ATP10A: variants seen among roughly 807,000 people sequenced by gnomAD.
ATP10A encodes the protein phospholipid-transporting ATPase VA.
ATP10A carries 111 observed loss-of-function variants against 147.8 expected under a neutral mutation model. The ratio of observed to expected loss-of-function variants is 0.75; its 90% CI spans 0.64 to 0.88. The LOEUF (loss-of-function observed/expected upper bound fraction) is 0.88. Ranked by LOEUF, ATP10A falls within the 40% of genes least tolerant of loss-of-function variation. The pLI, the probability that ATP10A is intolerant of heterozygous loss-of-function variation, is 0.00. For synonymous variants in ATP10A, 875 were observed against 841.6 expected (o/e 1.04, Z -0.69); for missense variants, 1,927 against 1,959.0 (o/e 0.98, Z 0.31).
At chr15:25,843,080 T>C (rs909892012) in intron 1 of ATP10A, among the ~76,000 whole-genome samples, 6 of 152,180 alleles carry the variant, frequency 3.9e-5, no homozygotes, top group African/African-American at 1.4e-4. Context: ...CAAAACCTAT[T>C]GTTCTGAGTG....
At chr15:25,859,971 A>G (rs1316503755) in intron 1 of ATP10A, among the ~76,000 whole-genome samples, 2 of 152,156 alleles carry the variant, frequency 1.3e-5, no homozygotes, top group Non-Finnish European at 2.9e-5. Context: ...CAGCAGCTAG[A>G]GCAGCAACAC....
intron 2 of ATP10A, among the ~76,000 whole-genome samples, chr15:25,742,676 G>A (rs1015064693): frequency 1.3e-5 from 2 of 152,192 alleles, no homozygotes; most frequent in African/African-American, 2.4e-5. Context: ...GCAAAGCCTT[G>A]CTTTCTCCTC....
intron 9 of ATP10A, among the ~76,000 whole-genome samples, chr15:25,715,938 C>T (rs548720261): frequency 1.3e-5 from 2 of 152,330 alleles, no homozygotes; most frequent in East Asian, 3.9e-4. Context: ...GTGCCCCCTA[C>T]ACTGCCTAGC....
intron 1 of ATP10A, among the ~76,000 whole-genome samples, chr15:25,824,439 A>C (rs1193919073): frequency 6.7e-6 from 1 of 149,366 alleles, no homozygotes; most frequent in Non-Finnish European, 1.5e-5. Context: ...ACACCACTGC[A>C]CTCCAGCCTG....
chr15:25,698,684 A>G (rs1900491291), intron 13 of ATP10A, among the ~76,000 whole-genome samples: 1 of 152,228 alleles, frequency 6.6e-6, no homozygotes, highest in Non-Finnish European at 1.5e-5. Context: ...ATTTAAAAAT[A>G]CTACTTACAA....
chr15:25,713,393 C>T (rs1407432464), intron 10 of ATP10A, among the ~76,000 whole-genome samples: 4 of 152,204 alleles, frequency 2.6e-5, no homozygotes, highest in Admixed American at 2.6e-4. Context: ...TCTCAACCTT[C>T]ATTGTTCAAA....
chr15:25,691,681 A>C, intron 15 of ATP10A, 34 bp downstream of exon 15: 9 of 1,611,648 alleles, frequency 5.6e-6, no homozygotes, highest in Non-Finnish European at 7.6e-6. Context: ...AGTAGGGCCA[A>C]TTGGTCACAC....
intron 1 of ATP10A, among the ~76,000 whole-genome samples, chr15:25,857,063 T>C (rs1893550387): frequency 1.3e-5 from 2 of 152,202 alleles, no homozygotes; most frequent in South Asian, 4.1e-4. Flanking sequence ...GCCTCATTTA[T>C]AGCTAATTCA....
At chr15:25,837,508 G>A (rs1485285246) in intron 1 of ATP10A, among the ~76,000 whole-genome samples, 6 of 152,158 alleles carry the variant, frequency 3.9e-5, no homozygotes, top group South Asian at 2.1e-4. Context: ...GGAGAAATGC[G>A]GAGACGGTAG....
chr15:25,681,817 G>A (rs576697279), intron 17 of ATP10A, among the ~76,000 whole-genome samples: 2 of 152,304 alleles, frequency 1.3e-5, no homozygotes, highest in South Asian at 4.1e-4. Flanking sequence ...ACTTTGGGAT[G>A]CCCAGGTGGG....
At chr15:25,688,453 A>G (rs1461789728) in intron 15 of ATP10A, among the ~76,000 whole-genome samples, 2 of 152,224 alleles carry the variant, frequency 1.3e-5, no homozygotes, top group African/African-American at 4.8e-5. Flanking sequence ...GGAGCCTGCC[A>G]TGGAAGCTTC....
intron 2 of ATP10A, among the ~76,000 whole-genome samples, chr15:25,769,724 G>A (rs1389063211): frequency 6.6e-6 from 1 of 152,098 alleles, no homozygotes; most frequent in East Asian, 1.9e-4. Flanking sequence ...TGATCAGCAT[G>A]GTGATGCCAC....
At chr15:25,683,078 G>A (rs903910450) in intron 17 of ATP10A, among the ~76,000 whole-genome samples, 3 of 151,056 alleles carry the variant, frequency 2.0e-5, no homozygotes, top group South Asian at 2.1e-4. Context: ...GACTCTTGGA[G>A]GGGGGACAGT....
chr15:25,807,965 G>GAA (rs953260471), intron 1 of ATP10A, among the ~76,000 whole-genome samples: 14 of 146,848 alleles, frequency 9.5e-5, no homozygotes, highest in African/African-American at 3.2e-4. Context: ...ATACCAGTAG[G>GAA]AAAAAAAAAA....
Position 25,821,313 on chromosome 15 carries a change from C to T in ATP10A, c.450-40090G>A, listed in dbSNP as rs138709211. On this transcript the variant is annotated intron_variant, in intron 1 of 20. Transcript: ENST00000555815. ...CTGAGGTGGGAGGATCACTGCAGCC[C>T]GGGAGATCGAGGCTGCAATGAGAGC... 1.0e-3 allele frequency among the ~76,000 whole-genome samples: 158 copies of T among 151,738 alleles called. 1 individual carries two copies. The highest frequency in any genetic ancestry group is 3.7e-3 in the African/African-American group (155 of 41,406).
chr15:25,791,000 A>G (rs750371081), intron 1 of ATP10A, among the ~76,000 whole-genome samples: 13 of 148,990 alleles, frequency 8.7e-5, no homozygotes, highest in Non-Finnish European at 1.6e-4. Context: ...AACAATTCAC[A>G]CTCCTCCGTC....
chr15:25,781,428 G>A (rs1397516240), intron 1 of ATP10A, among the ~76,000 whole-genome samples: 3 of 152,048 alleles, frequency 2.0e-5, no homozygotes, highest in East Asian at 1.9e-4. Flanking sequence ...AGACCGAGGC[G>A]GGCAGATTAT....
intron 16 of ATP10A, among the ~76,000 whole-genome samples, chr15:25,685,786 T>A (rs1899680111): frequency 6.7e-6 from 1 of 148,498 alleles, no homozygotes; most frequent in Non-Finnish European, 1.5e-5. Context: ...GTGGCGCCAC[T>A]GCACTCCAAC....
Position 25,721,924 on chromosome 15 carries a change from G to A in ATP10A, c.1111-15C>T, listed in dbSNP as rs1217751108. On this transcript the variant is annotated splice_polypyrimidine_tract_variant and intron_variant, in intron 6 of 20. Transcript: ENST00000555815. ...GGGATCAAAACCTGGAAGAGACAAGGCACACAGGATGAATGACCGTGAGGA... is the reference window on the plus strand; with the variant it reads ...GGGATCAAAACCTGGAAGAGACAAGACACACAGGATGAATGACCGTGAGGA... 2 of 1,608,456 alleles carry A rather than the reference G, an allele frequency of 1.2e-6. No individual in the cohort carries two copies. The highest frequency in any genetic ancestry group is 1.7e-6 in the Non-Finnish European group (2 of 1,175,358).
Sources: gnomAD v4.1 joint callset for allele counts (sites outside exome capture counted in the v4.1 genomes callset) on GRCh38, gnomAD v4.1.1 for gene constraint, MANE v1.5 for transcripts, NCBI Gene and HGNC (gene_info 2026-07-23, HGNC 2026-07-21) for gene names.